The following SCOC variants were observed in gnomAD, a reference collection of about 807,000 sequenced individuals.
SCOC encodes short coiled coil protein.
In SCOC, 7 loss-of-function variants were observed where a neutral mutation model predicts 9.9. The observed-to-expected ratio is 0.71, with a 90% CI of 0.40 to 1.33. The LOEUF is 1.33. SCOC is among the 40% of genes most tolerant of loss of function. SCOC has a pLI of 0.01. For missense variants in SCOC, 66 were observed against 89.7 expected, an observed-to-expected ratio of 0.74 and a Z score of 1.07; for synonymous variants, 19 against 28.2, an observed-to-expected ratio of 0.67 and a Z score of 1.03.
intron 1 of SCOC, among the ~76,000 whole-genome samples, chr4:140,270,731 A>G (rs772608078): frequency 1.3e-5 from 2 of 152,170 alleles, no homozygotes; most frequent in Non-Finnish European, 2.9e-5. Flanking sequence ...TTTGCATAGA[A>G]AGGCACATTC....
intron 2 of SCOC, among the ~76,000 whole-genome samples, chr4:140,351,539 G>A (rs926016154): frequency 1.3e-5 from 2 of 151,890 alleles, no homozygotes; most frequent in Admixed American, 1.3e-4. Flanking sequence ...TTTTGGTGTC[G>A]GCCAATTAGC....
At position 140,306,367 on chromosome 4, in the gene SCOC, A is replaced by G. The variant is rs183666022; in HGVS notation, c.-18-37254A>G. ...TAGGGGAGCTACAGTTCAAGATGAG[A>G]TTTGGGTGGCAACACAGTCAAACCA... On this transcript the variant is annotated intron_variant, in intron 1 of 4. Transcript: ENST00000394205. Among the ~76,000 whole-genome samples the G allele has an allele frequency of 3.0e-4, 46 of 152,304 alleles. No homozygotes were observed. In the East Asian group the frequency reaches 6.0e-3, roughly 20 times the overall value.
chr4:140,310,522 C>A (rs536642986), intron 1 of SCOC, among the ~76,000 whole-genome samples: 11 of 152,334 alleles, frequency 7.2e-5, no homozygotes, highest in African/African-American at 2.2e-4. Flanking sequence ...AAGCAGCAAC[C>A]AGTAGGCATA....
At chr4:140,346,615 T>C (rs908232230) in intron 2 of SCOC, among the ~76,000 whole-genome samples, 3 of 152,252 alleles carry the variant, frequency 2.0e-5, no homozygotes, top group African/African-American at 7.2e-5. Context: ...TTTATTTAAG[T>C]AATTCTACTT....
rs1205989793 is a variant in SCOC at position 140,337,949 on chromosome 4, GA to G, written c.-18-5671del. ...GGGAATCCTCCCTAACTCATTTTATGAGGCCAGCATCATCCTCATACCAAAG... is the reference window on the plus strand; with the variant it reads ...GGGAATCCTCCCTAACTCATTTTATGGGCCAGCATCATCCTCATACCAAAG... On this transcript the variant is annotated intron_variant, in intron 1 of 4. Transcript: ENST00000394205. 7.9e-5 allele frequency among the ~76,000 whole-genome samples: 12 copies of G among 152,296 alleles called. No homozygotes were observed. The East Asian group carries it at 2.3e-3, about 29-fold the overall frequency.
chr4:140,270,339 T>G (rs182045670), intron 1 of SCOC, among the ~76,000 whole-genome samples: 6 of 152,176 alleles, frequency 3.9e-5, no homozygotes, highest in Admixed American at 2.0e-4. Flanking sequence ...AATTTATGAT[T>G]ATTATTTTTT....
intron 1 of SCOC, among the ~76,000 whole-genome samples, chr4:140,258,143 C>T (rs73858117): frequency 1.6e-3 from 238 of 152,326 alleles, no homozygotes; most frequent in African/African-American, 5.4e-3. Flanking sequence ...TTCCACCCTC[C>T]GCCAAGCACT....
intron 1 of SCOC, chr4:140,374,318 C>A (rs750032482): frequency 1.3e-5 from 5 of 380,270 alleles, no homozygotes; most frequent in East Asian, 1.5e-4. Context: ...TCCTGAAAGG[C>A]AGGGCTTCTG....
intron 2 of SCOC, among the ~76,000 whole-genome samples, chr4:140,355,540 T>G (rs981461160): frequency 2.6e-5 from 4 of 152,084 alleles, no homozygotes; most frequent in Admixed American, 2.0e-4. Flanking sequence ...GCATCAGAAT[T>G]GAAATTAGTA....
intron 1 of SCOC, among the ~76,000 whole-genome samples, chr4:140,269,154 C>G (rs1730789714): frequency 6.6e-6 from 1 of 152,152 alleles, no homozygotes. Flanking sequence ...AGGGCTGCAA[C>G]CACACATTAT....
chr4:140,327,549 T>C (rs1353988853), intron 1 of SCOC, among the ~76,000 whole-genome samples: 1 of 152,216 alleles, frequency 6.6e-6, no homozygotes, highest in Non-Finnish European at 1.5e-5. Flanking sequence ...GCTGTAGTCC[T>C]AGCTACTTGG....
At chr4:140,362,300 T>TTCTTC (rs562255556) in intron 2 of SCOC, among the ~76,000 whole-genome samples, 1 of 36,590 alleles carries the variant, frequency 2.7e-5, no homozygotes, top group African/African-American at 1.1e-4. Context: ...CTTCTTCTTC[T>TTCTTC]TTTTTTTTTT....
upstream of SCOC, among the ~76,000 whole-genome samples, chr4:140,339,207 C>A (rs1363879279): frequency 1.1e-4 from 17 of 152,094 alleles, no homozygotes; most frequent in Non-Finnish European, 5.9e-5. Context: ...GGAAAGGATT[C>A]CCTATTTAAT....
At chr4:140,325,745 A>T (rs1402875789) in intron 1 of SCOC, among the ~76,000 whole-genome samples, 5 of 152,178 alleles carry the variant, frequency 3.3e-5, no homozygotes. Flanking sequence ...ACTAAATAGC[A>T]CAACCAGGTT....
upstream of SCOC, among the ~76,000 whole-genome samples, chr4:140,341,949 TCTTCA>T (rs1429841200): frequency 2.0e-5 from 3 of 152,150 alleles, no homozygotes; most frequent in Non-Finnish European, 4.4e-5. Context: ...TTCCACTTTG[TCTTCA>T]CTTCACTTCA....
chr4:140,362,071 C>T (rs373888914), intron 2 of SCOC, among the ~76,000 whole-genome samples: 2 of 151,776 alleles, frequency 1.3e-5, no homozygotes, highest in Non-Finnish European at 2.9e-5. Context: ...ACGACACAGA[C>T]ACAGCCCCTA....
intron 1 of SCOC, among the ~76,000 whole-genome samples, chr4:140,278,629 G>A (rs1288282895): frequency 6.6e-6 from 1 of 152,180 alleles, no homozygotes; most frequent in Non-Finnish European, 1.5e-5. Flanking sequence ...GAGCCTTCAT[G>A]ACTTAGTCAC....
intron 1 of SCOC, among the ~76,000 whole-genome samples, chr4:140,293,741 C>T (rs1223072883): frequency 6.6e-6 from 1 of 152,174 alleles, no homozygotes; most frequent in Admixed American, 6.5e-5. Flanking sequence ...TGTCAATCAG[C>T]CATTGCCTCC....
chr4:140,277,323 C>A (rs1335185535), intron 1 of SCOC, among the ~76,000 whole-genome samples: 1 of 152,020 alleles, frequency 6.6e-6, no homozygotes, highest in Non-Finnish European at 1.5e-5. Context: ...TTGGGGGGGG[C>A]AGGGGGTAGG....
Sources: allele counts gnomAD v4.1 joint callset (sites outside exome capture counted in the v4.1 genomes callset), GRCh38; gene constraint gnomAD v4.1.1; transcripts MANE v1.5; gene names NCBI Gene and HGNC (gene_info 2026-07-23, HGNC 2026-07-21).